The following BAZ2B variants were observed in gnomAD, a reference collection of about 807,000 sequenced individuals.
The protein encoded by BAZ2B is bromodomain adjacent to zinc finger domain 2B.
Under a neutral mutation model 246.0 loss-of-function variants are expected in BAZ2B, and 91 were observed. That is an observed-to-expected ratio of 0.37 (90% CI 0.31 to 0.44). BAZ2B has a LOEUF of 0.44. Ranked by LOEUF, BAZ2B falls within the 20% of genes least tolerant of loss-of-function variation. BAZ2B has a pLI of 1.00. For synonymous variants in BAZ2B, 855 were observed against 860.0 expected (o/e 0.99, Z 0.10); for missense variants, 2,332 against 2,533.7 (o/e 0.92, Z 1.71).
At chr2:159,451,999 T>G (rs1017890164) in intron 4 of BAZ2B, among the ~76,000 whole-genome samples, 65 of 152,202 alleles carry the variant, frequency 4.3e-4, no homozygotes, top group Non-Finnish European at 4.4e-5. Flanking sequence ...AATCTTGTAT[T>G]TCAGTAAATA....
intron 2 of BAZ2B, among the ~76,000 whole-genome samples, chr2:159,480,748 A>AT (rs201222842): frequency 6.6e-6 from 1 of 151,778 alleles, no homozygotes; most frequent in Non-Finnish European, 1.5e-5. Context: ...TAAAGGTGTA[A>AT]TTTTTTTTCT....
At chr2:159,622,739 A>G in the BAZ2B span, among the ~76,000 whole-genome samples, 2 of 152,192 alleles carry the variant, frequency 1.3e-5, no homozygotes, top group Admixed American at 6.5e-5. Flanking sequence ...GGGGCCAGGC[A>G]CAGTGGCTCA....
chr2:159,693,228 T>C, the BAZ2B span: 4 of 152,126 alleles, frequency 2.6e-5, no homozygotes. Context: ...GTATTATCCA[T>C]GTTCAATGCT....
At chr2:159,706,107 A>G in the BAZ2B span, among the ~76,000 whole-genome samples, 2 of 152,142 alleles carry the variant, frequency 1.3e-5, no homozygotes, top group African/African-American at 2.4e-5. Flanking sequence ...ACAAACACAC[A>G]CACTCTTTTA....
At chr2:159,404,811 C>T in intron 16 of BAZ2B, 38 bp downstream of exon 16, 1 of 1,526,436 alleles carries the variant, frequency 6.6e-7, no homozygotes, top group Non-Finnish European at 9.0e-7. Context: ...CAAAATAAGT[C>T]CCATATTTTA....
chr2:159,554,625 T>C (rs887181844), intron 2 of BAZ2B, among the ~76,000 whole-genome samples: 1 of 151,882 alleles, frequency 6.6e-6, no homozygotes, highest in African/African-American at 2.4e-5. Flanking sequence ...TGAACATAAA[T>C]AAAAACATTA....
At chr2:159,455,271 C>A (rs954849645) in intron 3 of BAZ2B, among the ~76,000 whole-genome samples, 1 of 151,998 alleles carries the variant, frequency 6.6e-6, no homozygotes, top group African/African-American at 2.4e-5. Context: ...TCCCTGAAAA[C>A]CAAGGGAAAG....
rs900078641 is a variant in BAZ2B, at chr2:159,398,531, T to TG, written c.2964+297dup. On this transcript the variant is annotated intron_variant, in intron 18 of 36. Coordinates refer to ENST00000392783, the MANE Select transcript of BAZ2B (RefSeq NM_013450.4). The stretch of plus-strand genomic sequence containing the variant: ...ACATAAATAACACACAAAACAGTTT[T>TG]GGGGGGGGTCATTCTTATCTAGCAA... Among the ~76,000 whole-genome samples, 180 of 151,662 alleles carry TG rather than the reference T, an allele frequency of 1.2e-3. 1 individual carries two copies. Among genetic ancestry groups the TG allele is most frequent in the East Asian group, 9.5e-3 (49 of 5,170 alleles).
chr2:159,563,091 A>C (rs2090039227), intron 1 of BAZ2B, among the ~76,000 whole-genome samples: 1 of 152,220 alleles, frequency 6.6e-6, no homozygotes, highest in African/African-American at 2.4e-5. Context: ...TAGGTCAAAT[A>C]ACTAAAGTTA....
intron 36 of BAZ2B, among the ~76,000 whole-genome samples, chr2:159,324,225 T>C (rs1441168157): frequency 6.6e-6 from 1 of 152,186 alleles, no homozygotes. Flanking sequence ...AACTTTATTC[T>C]TGGAATAGGA....
At chr2:159,704,273 T>C in the BAZ2B span, among the ~76,000 whole-genome samples, 2 of 152,102 alleles carry the variant, frequency 1.3e-5, no homozygotes, top group Non-Finnish European at 2.9e-5. Context: ...ATAACTGGAG[T>C]ATATGTATTC....
At chr2:159,497,195 G>T (rs74701714) in intron 2 of BAZ2B, among the ~76,000 whole-genome samples, 2,369 of 152,276 alleles carry the variant, frequency 0.016, 63 homozygotes, top group African/African-American at 0.054. Context: ...AGTAGTGAGA[G>T]GGGTACAAAG....
At chr2:159,675,610 T>C in the BAZ2B span, among the ~76,000 whole-genome samples, 27 of 152,354 alleles carry the variant, frequency 1.8e-4, no homozygotes, top group African/African-American at 6.3e-4. Flanking sequence ...TAAAATAATG[T>C]ACAGAAAATG....
At chr2:159,364,730 T>C (rs1187128228) in intron 27 of BAZ2B, among the ~76,000 whole-genome samples, 1 of 152,220 alleles carries the variant, frequency 6.6e-6, no homozygotes, top group African/African-American at 2.4e-5. Context: ...GCCAGGTATG[T>C]TGCCAAAACC....
chr2:159,465,673 G>A (rs1037257091), intron 3 of BAZ2B, among the ~76,000 whole-genome samples: 1 of 152,210 alleles, frequency 6.6e-6, no homozygotes, highest in Non-Finnish European at 1.5e-5. Flanking sequence ...TGTAATCCCA[G>A]TATTTTGGGA....
At chr2:159,378,055 T>C (rs1188332586) in intron 25 of BAZ2B, among the ~76,000 whole-genome samples, 6 of 152,212 alleles carry the variant, frequency 3.9e-5, no homozygotes. Flanking sequence ...ATTGAACTTA[T>C]GAGTTAACAC....
intron 2 of BAZ2B, among the ~76,000 whole-genome samples, chr2:159,543,699 C>T (rs1241830701): frequency 6.6e-6 from 1 of 152,112 alleles, no homozygotes; most frequent in Non-Finnish European, 1.5e-5. Flanking sequence ...CCACACCCAG[C>T]TAATTTTTGT....
the BAZ2B span, among the ~76,000 whole-genome samples, chr2:159,648,023 T>C: frequency 6.6e-6 from 1 of 152,204 alleles, no homozygotes; most frequent in Non-Finnish European, 1.5e-5. Flanking sequence ...AATTAGATCA[T>C]TTTGTCACAC....
chr2:159,626,187 T>C, the BAZ2B span, among the ~76,000 whole-genome samples: 11 of 152,200 alleles, frequency 7.2e-5, no homozygotes, highest in East Asian at 9.7e-4. Context: ...AGCAAGTTCT[T>C]AGAGACCTAC....
Sources: gnomAD v4.1 joint callset for allele counts (sites outside exome capture counted in the v4.1 genomes callset) on GRCh38, gnomAD v4.1.1 for gene constraint, MANE v1.5 for transcripts, NCBI Gene and HGNC (gene_info 2026-07-23, HGNC 2026-07-21) for gene names.